The following ESRP1 variants were observed in gnomAD, a reference collection of about 807,000 sequenced individuals.
The protein encoded by ESRP1 is epithelial splicing regulatory protein 1.
ESRP1 carries 33 observed loss-of-function variants against 81.7 expected under a neutral mutation model. The observed-to-expected ratio is 0.40, with a 90% CI of 0.31 to 0.54. The LOEUF (loss-of-function observed/expected upper bound fraction) is 0.54, where lower values mean the gene tolerates loss of function less well. Among genes scored for constraint, ESRP1 ranks in the 20% least tolerant of loss-of-function variants. The pLI is 0.41. For synonymous variants in ESRP1, 320 were observed against 303.3 expected (o/e 1.06, Z -0.57); for missense variants, 672 against 833.1 (o/e 0.81, Z 2.38).
chr8:94,660,472 C>T (rs1410297786), intron 4 of ESRP1, among the ~76,000 whole-genome samples: 7 of 151,888 alleles, frequency 4.6e-5, no homozygotes, highest in African/African-American at 9.7e-5. Flanking sequence ...GGTGCAGTGG[C>T]TCACGCCTAT....
chr8:94,662,599 T>TC, intron 6 of ESRP1, 44 bp downstream of exon 6: 2 of 1,500,040 alleles, frequency 1.3e-6, no homozygotes, highest in Non-Finnish European at 1.8e-6. Flanking sequence ...TAACTTGTTT[T>TC]TTTTTTTTGT....
At chr8:94,692,854 T>C (rs1408864579) in intron 14 of ESRP1, 27 bp downstream of exon 14, 5 of 1,603,320 alleles carry the variant, frequency 3.1e-6, no homozygotes, top group Non-Finnish European at 4.3e-6. Context: ...AGAATAATCC[T>C]CAGTGCCCTT....
intron 13 of ESRP1, among the ~76,000 whole-genome samples, chr8:94,687,235 A>G (rs1332906467): frequency 6.6e-6 from 1 of 152,176 alleles, no homozygotes; most frequent in Non-Finnish European, 1.5e-5. Context: ...TATTCCAGAT[A>G]ATATTTCAGT....
chr8:94,672,371 AT>A (rs1317770994), intron 11 of ESRP1, among the ~76,000 whole-genome samples: 1 of 152,184 alleles, frequency 6.6e-6, no homozygotes, highest in Admixed American at 6.5e-5. Context: ...ATCTAACTGA[AT>A]TCTTCCATAT....
intron 13 of ESRP1, among the ~76,000 whole-genome samples, chr8:94,691,096 T>G (rs542604373): frequency 2.0e-3 from 312 of 152,342 alleles, no homozygotes; most frequent in African/African-American, 6.9e-3. Flanking sequence ...ACCAAAAGTT[T>G]AGCATTTCTT....
At chr8:94,688,042 T>A (rs1263435411) in intron 13 of ESRP1, among the ~76,000 whole-genome samples, 1 of 152,198 alleles carries the variant, frequency 6.6e-6, no homozygotes, top group Non-Finnish European at 1.5e-5. Flanking sequence ...TCGATCTGAG[T>A]TCATTTTTTG....
At chr8:94,676,929 G>A (rs912437960) in intron 12 of ESRP1, among the ~76,000 whole-genome samples, 1 of 151,974 alleles carries the variant, frequency 6.6e-6, no homozygotes, top group Non-Finnish European at 1.5e-5. Flanking sequence ...AAGGCGGGCA[G>A]ATCACCCGAA....
intron 12 of ESRP1, 77 bp downstream of exon 12, chr8:94,674,583 T>C: frequency 7.3e-6 from 10 of 1,361,378 alleles, no homozygotes; most frequent in Non-Finnish European, 9.9e-6. Context: ...TAACTTTCTG[T>C]GCCCCTGGTT....
chr8:94,642,095 C>A lies in ESRP1; in HGVS notation c.261+11C>A. On this transcript the variant is annotated intron_variant, in intron 2 of 15. Transcript: ENST00000433389. ...CAAGCCCTCCGACAGGTGACAACCC[C>A]GGGTCACGCCACCCACCCCAGCCTG... 1.7e-5 allele frequency: 28 copies of A among 1,608,276 alleles called. No homozygotes were observed. The highest frequency in any genetic ancestry group is 2.2e-5 in the Non-Finnish European group (26 of 1,179,238).
At chr8:94,700,015 T>C (rs752871877) in intron 15 of ESRP1, among the ~76,000 whole-genome samples, 3 of 152,128 alleles carry the variant, frequency 2.0e-5, no homozygotes, top group Non-Finnish European at 4.4e-5. Context: ...ACCATAACCC[T>C]GCAAAGAGGC....
At chr8:94,655,063 TTTTGTGTG>T (rs998581634) in intron 4 of ESRP1, among the ~76,000 whole-genome samples, 34 of 127,468 alleles carry the variant, frequency 2.7e-4, no homozygotes, top group Non-Finnish European at 5.6e-4. Context: ...TTTTTGGGTT[TTTTGTGTG>T]TGTGTGTGTG....
chr8:94,668,789 A>ATGTGTG (rs71303426), intron 10 of ESRP1, among the ~76,000 whole-genome samples: 7 of 143,866 alleles, frequency 4.9e-5, no homozygotes, highest in African/African-American at 1.9e-4. Context: ...AGCTTTCAGC[A>ATGTGTG]TGTGTGTGTG....
intron 4 of ESRP1, among the ~76,000 whole-genome samples, chr8:94,656,410 CG>C (rs201130069): frequency 0.11 from 17,328 of 151,738 alleles, 1,284 homozygotes; most frequent in Non-Finnish European, 0.17. Flanking sequence ...TTAGTAGAGA[CG>C]GGGGTTTCAC....
chr8:94,662,754 C>G (rs1586199180), intron 6 of ESRP1, among the ~76,000 whole-genome samples, 199 bp downstream of exon 6: 2 of 152,040 alleles, frequency 1.3e-5, no homozygotes, highest in South Asian at 2.1e-4. Flanking sequence ...ACTACAGGCT[C>G]CCGCTACCAT....
chr8:94,685,760 C>T (rs1259585081), intron 13 of ESRP1, among the ~76,000 whole-genome samples: 1 of 151,226 alleles, frequency 6.6e-6, no homozygotes, highest in Non-Finnish European at 1.5e-5. Flanking sequence ...CACTGCTCTC[C>T]AGCCGGGGTG....
chr8:94,698,036 C>A (rs188347273), intron 15 of ESRP1, among the ~76,000 whole-genome samples: 205 of 152,312 alleles, frequency 1.3e-3, no homozygotes, highest in African/African-American at 4.6e-3. Context: ...CCACCTCAGC[C>A]TTCCAAAGTG....
chr8:94,646,477 G>A (rs1817856614), intron 4 of ESRP1, 195 bp downstream of exon 4: 8 of 469,298 alleles, frequency 1.7e-5, no homozygotes, highest in African/African-American at 1.6e-4. Flanking sequence ...TCAGATGGTT[G>A]GACGGATTTG....
chr8:94,674,168 C>A, intron 11 of ESRP1, 140 bp from the exon 12 acceptor site: 1 of 855,250 alleles, frequency 1.2e-6, no homozygotes, highest in Non-Finnish European at 1.8e-6. Flanking sequence ...CAGGTTCCAG[C>A]AGATCACACC....
At chr8:94,679,784 T>A (rs186200815) in intron 13 of ESRP1, among the ~76,000 whole-genome samples, 125 of 152,298 alleles carry the variant, frequency 8.2e-4, no homozygotes, top group East Asian at 4.8e-3. Flanking sequence ...TAACCGTTAC[T>A]ATCAGTTTGG....
Sources: allele counts gnomAD v4.1 joint callset (sites outside exome capture counted in the v4.1 genomes callset), GRCh38; gene constraint gnomAD v4.1.1; transcripts MANE v1.5; gene names NCBI Gene and HGNC (gene_info 2026-07-23, HGNC 2026-07-21).